Variants in CRTAC1 observed in about 807,000 individuals in gnomAD.
CRTAC1 encodes acidic secreted protein in cartilage.
CRTAC1 carries 37 observed loss-of-function variants against 67.8 expected under a neutral mutation model. The observed-to-expected ratio is 0.55, with a 90% CI of 0.42 to 0.72. The LOEUF is 0.72. CRTAC1 is among the 30% of genes least tolerant of loss of function. CRTAC1 has a pLI of 0.00. For missense variants in CRTAC1, 780 were observed against 931.6 expected, an observed-to-expected ratio of 0.84 and a Z score of 2.12; for synonymous variants, 348 against 371.0, an observed-to-expected ratio of 0.94 and a Z score of 0.71.
intron 2 of CRTAC1, among the ~76,000 whole-genome samples, chr10:97,947,968 C>T (rs1203095344): frequency 6.6e-6 from 1 of 151,952 alleles, no homozygotes; most frequent in African/African-American, 2.4e-5. Flanking sequence ...TGAAGGATTC[C>T]GTGCAGGGTA....
At chr10:97,937,832 G>T (rs2051113084) in intron 2 of CRTAC1, among the ~76,000 whole-genome samples, 1 of 152,156 alleles carries the variant, frequency 6.6e-6, no homozygotes, top group Non-Finnish European at 1.5e-5. Flanking sequence ...CCATCCACAG[G>T]GTCCCCCACC....
At chr10:97,939,989 T>C (rs1052947936) in intron 2 of CRTAC1, among the ~76,000 whole-genome samples, 2 of 152,174 alleles carry the variant, frequency 1.3e-5, no homozygotes, top group Non-Finnish European at 2.9e-5. Context: ...ATCTCTTCAT[T>C]TGCTGTGCCT....
intron 3 of CRTAC1, among the ~76,000 whole-genome samples, chr10:97,927,412 C>T (rs2050937009): frequency 1.3e-5 from 2 of 152,162 alleles, no homozygotes; most frequent in South Asian, 4.1e-4. Flanking sequence ...TTTATTTAAC[C>T]CAGCCTTTCC....
At chr10:98,022,797 C>T (rs1020808315) in intron 1 of CRTAC1, among the ~76,000 whole-genome samples, 14 of 152,184 alleles carry the variant, frequency 9.2e-5, no homozygotes, top group African/African-American at 2.9e-4. Context: ...GCATTTTAGA[C>T]TTCAGGCAGC....
In CRTAC1 at chr10:97,884,303, A is replaced by T. The variant is rs368269510; in HGVS notation, c.1535T>A (p.Met512Lys). The change falls in exon 12 of 15, where the codon ATG (methionine) becomes AAG (lysine). Residue 512 changes from methionine (M) to lysine (K), a missense_variant. Transcript: ENST00000370597. ...CCCGCTGGCCACGTTCCGGCTCACC[A>T]TCTTGCCATCTGGCCACGTCACCTC... ...SVEVTWPDGK[M>K]VSRNVASGEM... 5.2e-6 allele frequency: 8 copies of T among 1,553,296 alleles called. No individual in the cohort carries two copies. The highest frequency in any genetic ancestry group is 6.1e-6 in the Non-Finnish European group (7 of 1,148,062).
chr10:97,969,750 A>G (rs749748879), intron 2 of CRTAC1, among the ~76,000 whole-genome samples: 2 of 152,130 alleles, frequency 1.3e-5, no homozygotes, highest in African/African-American at 4.8e-5. Context: ...CAGCTTGGTA[A>G]CCCTCAAAAT....
At chr10:97,944,568 C>A (rs951342090) in intron 2 of CRTAC1, among the ~76,000 whole-genome samples, 1 of 152,156 alleles carries the variant, frequency 6.6e-6, no homozygotes, top group Admixed American at 6.5e-5. Context: ...GGTAGATGGT[C>A]TCTAAAAATG....
chr10:97,890,090 T>TACACACACAC (rs56001448), intron 11 of CRTAC1, among the ~76,000 whole-genome samples: 2,136 of 150,466 alleles, frequency 0.014, 29 homozygotes, highest in Middle Eastern at 0.051. Flanking sequence ...CCAGGATGTG[T>TACACACACAC]ACACACACAC....
chr10:97,892,287 T>C (rs2050386548), intron 11 of CRTAC1, among the ~76,000 whole-genome samples: 1 of 152,222 alleles, frequency 6.6e-6, no homozygotes, highest in Non-Finnish European at 1.5e-5. Flanking sequence ...CCCTGAGATG[T>C]GGGGAAGGAG....
intron 4 of CRTAC1, among the ~76,000 whole-genome samples, chr10:97,919,394 T>TGAGAAAGA (rs2050804608): frequency 1.3e-5 from 2 of 152,000 alleles, no homozygotes; most frequent in Admixed American, 6.6e-5. Context: ...CAAGTAGAGA[T>TGAGAAAGA]GAGAAAGAGG....
intron 2 of CRTAC1, among the ~76,000 whole-genome samples, chr10:97,962,434 A>G (rs1009194960): frequency 2.6e-5 from 4 of 152,362 alleles, no homozygotes; most frequent in African/African-American, 9.6e-5. Context: ...AGAGCTTCAC[A>G]GTCATTATTA....
rs1474449019 is a variant in CRTAC1 at position 97,975,936 on chromosome 10, A to G, written c.224+35202T>C. Among the ~76,000 whole-genome samples, 1 of 152,136 alleles carries G rather than the reference A, an allele frequency of 6.6e-6. No homozygotes were observed. Among genetic ancestry groups the G allele is most frequent in the Non-Finnish European group, 1.5e-5 (1 of 68,010 alleles). ...TACCTGGTGTGTGGCCCGTTCCCCG[A>G]ACCACATCTTACATCTTCGGGCCCC... On this transcript the variant is annotated intron_variant, in intron 2 of 14. Coordinates refer to ENST00000370597, the MANE Select transcript of CRTAC1 (RefSeq NM_018058.7). The surrounding 1 kb of genome is among the most constrained non-coding windows in gnomAD (Gnocchi z 4.8).
intron 2 of CRTAC1, among the ~76,000 whole-genome samples, chr10:97,998,904 G>A (rs781116355): frequency 1.5e-4 from 23 of 152,126 alleles, no homozygotes; most frequent in Non-Finnish European, 1.0e-4. Flanking sequence ...CTCAGAGTTT[G>A]TTAAGTTAAA....
At chr10:97,892,108 T>C (rs2050384005) in intron 11 of CRTAC1, among the ~76,000 whole-genome samples, 1 of 152,198 alleles carries the variant, frequency 6.6e-6, no homozygotes, top group Non-Finnish European at 1.5e-5. Flanking sequence ...AGCCTGAGTG[T>C]GGGGAGTAGG....
At chr10:97,900,798 G>A (rs1242382183) in intron 8 of CRTAC1, among the ~76,000 whole-genome samples, 2 of 105,750 alleles carry the variant, frequency 1.9e-5, no homozygotes, top group East Asian at 3.0e-4. Flanking sequence ...ATTGGACCCC[G>A]TAGCCCCTTT....
chr10:97,990,379 T>C (rs1327069769), intron 2 of CRTAC1, among the ~76,000 whole-genome samples: 2 of 152,366 alleles, frequency 1.3e-5, no homozygotes, highest in East Asian at 3.9e-4. Flanking sequence ...TCCTTTAATA[T>C]GTTTAATTAT....
chr10:97,995,402 A>G (rs1409085853), intron 2 of CRTAC1, among the ~76,000 whole-genome samples: 3 of 152,182 alleles, frequency 2.0e-5, no homozygotes, highest in Admixed American at 6.5e-5. Context: ...AGCATCTCTG[A>G]AAAGCTAAGG....
At chr10:97,907,983 G>T (rs777762743) in intron 6 of CRTAC1, 30 bp downstream of exon 6, 2 of 1,612,734 alleles carry the variant, frequency 1.2e-6, no homozygotes, top group East Asian at 2.2e-5. Flanking sequence ...GAGGGGTCAG[G>T]GTGCACAGGG....
At chr10:97,952,823 G>C (rs1481646218) in intron 2 of CRTAC1, among the ~76,000 whole-genome samples, 1 of 152,194 alleles carries the variant, frequency 6.6e-6, no homozygotes, top group East Asian at 1.9e-4. Flanking sequence ...TGAACATGTA[G>C]AGAACAAGCT....
Sources: gnomAD v4.1 joint callset for allele counts (sites outside exome capture counted in the v4.1 genomes callset) on GRCh38, gnomAD v4.1.1 for gene constraint, Gnocchi (gnomAD v3.1) non-coding constraint, MANE v1.5 for transcripts, NCBI Gene and HGNC (gene_info 2026-07-23, HGNC 2026-07-21) for gene names.